Variants in CX3CL1 observed in about 807,000 individuals in gnomAD.
CX3CL1 encodes the protein fractalkine.
CX3CL1 carries 1 observed loss-of-function variant against 14.1 expected under a neutral mutation model. The ratio of observed to expected loss-of-function variants is 0.07; its 90% CI spans 0.03 to 0.34. The LOEUF is 0.34. CX3CL1 is among the 10% of genes least tolerant of loss of function. CX3CL1 has a pLI of 0.99. For missense variants in CX3CL1, 505 were observed against 536.4 expected, an observed-to-expected ratio of 0.94 and a Z score of 0.58; for synonymous variants, 255 against 229.6, an observed-to-expected ratio of 1.11 and a Z score of -1.00.
intron 1 of CX3CL1, 21 bp from the exon 2 acceptor site, chr16:57,379,613 C>G (rs1485799425): frequency 3.1e-6 from 5 of 1,614,000 alleles, no homozygotes; most frequent in Non-Finnish European, 8.5e-7. Context: ...CCCTGCTGAC[C>G]AGGAACCTCT....
At position 57,384,463 on chromosome 16, in the gene CX3CL1, C is replaced by A. The variant is rs1300021206; in HGVS notation, c.*1431C>A. 1 of 152,462 alleles carries A rather than the reference C, an allele frequency of 6.6e-6. No individual in the cohort carries two copies. Among genetic ancestry groups the A allele is most frequent in the Non-Finnish European group, 1.5e-5 (1 of 68,236 alleles). The allele number at this position is 152,462 out of a possible 1,614,324, so 9.4% of individuals were successfully genotyped here. A position where few individuals can be genotyped will look rare whatever the true frequency, so the allele number is the denominator to read the frequency against. ...TCGAGCATGCCTGGATGGGGCTGCA[C>A]CGGCTGGCCTGGCCCCTCAGGGTCC... On this transcript the variant is annotated 3_prime_UTR_variant, in exon 3 of 3. Transcript: ENST00000006053.
rs530415293 is a variant in CX3CL1 at position 57,381,943 on chromosome 16, A to G, written c.192-87A>G. 6.5e-6 allele frequency: 9 copies of G among 1,393,070 alleles called. No individual in the cohort carries two copies. The South Asian group carries it at 1.1e-4, about 18-fold the overall frequency. The allele number at this position is 1,393,070 out of a possible 1,614,324, so 86.3% of individuals were successfully genotyped here. The stretch of plus-strand genomic sequence containing the variant: ...TTTCCAGCCGGGTGTGTTCACCTGC[A>G]GAGTATTGGTGCTGTGCCCCCACAC... On this transcript the variant is annotated intron_variant, in intron 2 of 2. Transcript: ENST00000006053.
At chr16:57,376,211 T>C (rs1202700037) in intron 1 of CX3CL1, among the ~76,000 whole-genome samples, 2 of 152,366 alleles carry the variant, frequency 1.3e-5, no homozygotes, top group African/African-American at 4.8e-5. Flanking sequence ...TCCTTGTTCA[T>C]CTCACTGTAC....
At chr16:57,377,819 A>C (rs1267709008) in intron 1 of CX3CL1, 3 of 152,168 alleles carry the variant, frequency 2.0e-5, no homozygotes, top group African/African-American at 7.2e-5. Context: ...ACCTTGACTC[A>C]GATCTGAAAC....
chr16:57,378,769 G>C (rs1347022125), intron 1 of CX3CL1: 1 of 151,076 alleles, frequency 6.6e-6, no homozygotes, highest in Non-Finnish European at 1.5e-5. Context: ...CGGCCAGGAG[G>C]ATTTCTTGAG....
chr16:57,372,823 C>T (rs1179185758), intron 1 of CX3CL1, among the ~76,000 whole-genome samples, 185 bp downstream of exon 1: 1 of 152,112 alleles, frequency 6.6e-6, no homozygotes, highest in Non-Finnish European at 1.5e-5. Flanking sequence ...CAGCGCTGGA[C>T]AGATTTCCAG....
At chr16:57,379,020 A>G (rs1428456329) in intron 1 of CX3CL1, 2 of 152,226 alleles carry the variant, frequency 1.3e-5, no homozygotes, top group East Asian at 3.9e-4. Flanking sequence ...CTGCTGCACA[A>G]TGGACCACTT....
In CX3CL1 at chr16:57,382,878, C is replaced by A; in HGVS notation, c.1040C>A (p.Ala347Asp). The A allele has an allele frequency of 6.4e-7, 1 of 1,558,224 alleles. No homozygotes were observed. ...CGGAGGCAGGCGGTGGGGCTGCTGG[C>A]CTTCCTTGGCCTCCTCTTCTGCCTG... ...ATRRQAVGLL[A>D]FLGLLFCLGV... Residue 347 changes from alanine to aspartate, a missense_variant, in exon 3 of 3, where the codon GCC becomes GAC. Coordinates refer to ENST00000006053, the MANE Select transcript of CX3CL1 (RefSeq NM_002996.6). This position sits in a 1 kb window ranked among gnomAD's most constrained non-coding sequence, Gnocchi z 6.9.
chr16:57,374,952 C>T (rs140153947), intron 1 of CX3CL1, among the ~76,000 whole-genome samples: 2,882 of 152,060 alleles, frequency 0.019, 36 homozygotes, highest in South Asian at 0.034. Flanking sequence ...ACCAGCCTGG[C>T]CAACATCATG....
At chr16:57,381,929 G>A (rs576445207) in intron 2 of CX3CL1, 101 bp from the exon 3 acceptor site, 2 of 1,306,824 alleles carry the variant, frequency 1.5e-6, no homozygotes, top group Non-Finnish European at 2.1e-6. Context: ...TTCCAGCCGG[G>A]TGTGTTCACC....
At position 57,379,886 on chromosome 16, in the gene CX3CL1, C is replaced by T. The variant is rs1177567133; in HGVS notation, c.191+132C>T. On this transcript the variant is annotated intron_variant, in intron 2 of 2. Transcript: ENST00000006053. ...GCCAAAGGCCTCAGCACACGCTTCT[C>T]TTGCCCCTGGCCTGCAGGCCACCTC... The T allele has an allele frequency of 1.9e-5, 21 of 1,085,062 alleles. No homozygotes were observed. In the Admixed American group the frequency reaches 4.3e-4, roughly 22 times the overall value. 67.2% of individuals were successfully genotyped at this position (1,085,062 alleles called of 1,614,324 possible). A position where few individuals can be genotyped will look rare whatever the true frequency, so the allele number is the denominator to read the frequency against.
intron 1 of CX3CL1, chr16:57,378,081 T>C (rs936293705): frequency 8.5e-5 from 13 of 152,094 alleles, no homozygotes; most frequent in African/African-American, 3.1e-4. Flanking sequence ...TCTCCAACCC[T>C]CCTCCTTACT....
At chr16:57,375,541 A>C (rs1360602649) in intron 1 of CX3CL1, among the ~76,000 whole-genome samples, 1 of 152,172 alleles carries the variant, frequency 6.6e-6, no homozygotes, top group Non-Finnish European at 1.5e-5. Context: ...CTAAGGGAAA[A>C]ATGCTCCAGA....
Position 57,383,068 on chromosome 16 carries a change from C to G in CX3CL1, c.*36C>G. 1 of 1,370,192 alleles carries G rather than the reference C, an allele frequency of 7.3e-7. No individual in the cohort carries two copies. Among genetic ancestry groups the G allele is most frequent in the Non-Finnish European group, 9.5e-7 (1 of 1,053,052 alleles). 84.9% of individuals were successfully genotyped at this position (1,370,192 alleles called of 1,614,324 possible). A position where few individuals can be genotyped will look rare whatever the true frequency, so the allele number is the denominator to read the frequency against. On this transcript the variant is annotated 3_prime_UTR_variant, in exon 3 of 3. Transcript: ENST00000006053. ...CCTGTGTCTAGTTGTTTGATTCAGA[C>G]AGCTGCCTGGGATCCCTCATCCTCA...
rs1173171415 is a variant in CX3CL1 at position 57,384,202 on chromosome 16, G to A, written c.*1170G>A. On this transcript the variant is annotated 3_prime_UTR_variant, in exon 3 of 3. Coordinates refer to ENST00000006053, the MANE Select transcript of CX3CL1 (RefSeq NM_002996.6). ...CCCCACACACGCCAGATTCTTTCCT[G>A]AGGCTGGGCTCCCTTCCCACCTCTC... The A allele has an allele frequency of 6.6e-6, 1 of 152,468 alleles. No homozygotes were observed. Among genetic ancestry groups the A allele is most frequent in the African/African-American group, 2.4e-5 (1 of 41,466 alleles). The allele number at this position is 152,468 out of a possible 1,614,324, so 9.4% of individuals were successfully genotyped here.
chr16:57,381,588 A>G (rs1291645165), intron 2 of CX3CL1, among the ~76,000 whole-genome samples: 1 of 152,052 alleles, frequency 6.6e-6, no homozygotes, highest in Non-Finnish European at 1.5e-5. Context: ...CCCCTGCCTT[A>G]ATGGTAACAA....
intron 2 of CX3CL1, among the ~76,000 whole-genome samples, chr16:57,380,832 C>T (rs1205368270): frequency 6.6e-6 from 1 of 152,152 alleles, no homozygotes; most frequent in African/African-American, 2.4e-5. Flanking sequence ...CTCAGCCAGA[C>T]CTAGAGGCCG....
At chr16:57,376,015 G>A (rs1452800291) in intron 1 of CX3CL1, among the ~76,000 whole-genome samples, 1 of 152,194 alleles carries the variant, frequency 6.6e-6, no homozygotes, top group African/African-American at 2.4e-5. Flanking sequence ...TTCTGCATCT[G>A]TAAAGTTGGG....
intron 1 of CX3CL1, among the ~76,000 whole-genome samples, chr16:57,376,401 CT>C (rs1902245179): frequency 6.6e-6 from 1 of 151,976 alleles, no homozygotes; most frequent in Non-Finnish European, 1.5e-5. Flanking sequence ...TTTGTATATA[CT>C]CAAAAGTAAT....
Sources: allele counts gnomAD v4.1 joint callset (sites outside exome capture counted in the v4.1 genomes callset), GRCh38; gene constraint gnomAD v4.1.1; non-coding constraint Gnocchi (gnomAD v3.1); transcripts MANE v1.5; gene names NCBI Gene and HGNC (gene_info 2026-07-23, HGNC 2026-07-21).